Variants in CTNND2 observed in about 807,000 individuals in gnomAD.
CTNND2 encodes the protein catenin delta 2.
CTNND2 carries 22 observed loss-of-function variants against 144.4 expected under a neutral mutation model. That is an observed-to-expected ratio of 0.15 (90% CI 0.11 to 0.22). The LOEUF is 0.22. Among genes scored for constraint, CTNND2 ranks in the 10% least tolerant of loss-of-function variants. The pLI is 1.00. For synonymous variants in CTNND2, 751 were observed against 695.6 expected (o/e 1.08, Z -1.25); for missense variants, 1,353 against 1,618.8 (o/e 0.84, Z 2.82).
intron 10 of CTNND2, among the ~76,000 whole-genome samples, chr5:11,201,603 T>C (rs1354598024): frequency 6.6e-6 from 1 of 152,194 alleles, no homozygotes; most frequent in East Asian, 1.9e-4. Context: ...AGAGCACTCT[T>C]GGACTCTAAA....
chr5:11,263,862 A>T (rs1745168466), intron 9 of CTNND2, among the ~76,000 whole-genome samples: 1 of 152,198 alleles, frequency 6.6e-6, no homozygotes, highest in African/African-American at 2.4e-5. Context: ...AACTGCCAAT[A>T]ACTAGACACA....
intron 3 of CTNND2, among the ~76,000 whole-genome samples, chr5:11,496,202 G>T (rs1769921335): frequency 6.6e-6 from 1 of 152,158 alleles, no homozygotes; most frequent in Non-Finnish European, 1.5e-5. Flanking sequence ...TATTGCTGTT[G>T]TAAGGCATGA....
chr5:11,073,077 G>C (rs1277648238), intron 16 of CTNND2, among the ~76,000 whole-genome samples: 1 of 152,084 alleles, frequency 6.6e-6, no homozygotes, highest in Non-Finnish European at 1.5e-5. Context: ...CAGCCAGGAT[G>C]GTTTAAAAAG....
chr5:11,584,430 G>GT (rs1026976127), intron 2 of CTNND2, among the ~76,000 whole-genome samples: 1 of 145,842 alleles, frequency 6.9e-6, no homozygotes, highest in African/African-American at 2.5e-5. Flanking sequence ...TTTTTTGGGG[G>GT]GGGGGAGGAG....
chr5:11,405,598 A>C (rs1296654418), intron 5 of CTNND2, among the ~76,000 whole-genome samples: 1 of 151,930 alleles, frequency 6.6e-6, no homozygotes, highest in Non-Finnish European at 1.5e-5. Flanking sequence ...AAGAGAGAGA[A>C]ATTAAACACC....
At chr5:11,732,027 T>C in intron 2 of CTNND2, 109 bp downstream of exon 2, 3 of 986,082 alleles carry the variant, frequency 3.0e-6, no homozygotes, top group Non-Finnish European at 4.5e-6. Context: ...AACACTCTGC[T>C]ACATGAGTAT....
chr5:11,779,784 T>C (rs1032121243), intron 1 of CTNND2, among the ~76,000 whole-genome samples: 17 of 152,328 alleles, frequency 1.1e-4, no homozygotes, highest in Admixed American at 2.0e-4. Context: ...ATAGTTCAGT[T>C]TAATGTATTA....
At position 11,119,484 on chromosome 5, in the gene CTNND2, T is replaced by C. The variant is rs185391021; in HGVS notation, c.2160-1917A>G. ...ATTCCATCCTGTGATGGCCAACCTTTGTTTCTGACACAATCCGTGGTGGTG... is the reference window on the plus strand; with the variant it reads ...ATTCCATCCTGTGATGGCCAACCTTCGTTTCTGACACAATCCGTGGTGGTG... On this transcript the variant is annotated intron_variant, in intron 12 of 21. Transcript: ENST00000304623. Among the ~76,000 whole-genome samples the C allele has an allele frequency of 6.9e-4, 105 of 152,360 alleles. No homozygotes were observed. The Middle Eastern group carries it at 0.014, about 20-fold the overall frequency.
chr5:11,221,238 A>G (rs554504215), intron 10 of CTNND2, among the ~76,000 whole-genome samples: 2 of 152,236 alleles, frequency 1.3e-5, no homozygotes, highest in Admixed American at 1.3e-4. Context: ...ATACGAAATG[A>G]CTGAAACATG....
At chr5:11,736,142 A>G (rs1667622630) in intron 1 of CTNND2, among the ~76,000 whole-genome samples, 1 of 152,164 alleles carries the variant, frequency 6.6e-6, no homozygotes, top group South Asian at 2.1e-4. Context: ...CCTATTTCCT[A>G]TAACCTGTAC....
chr5:11,227,619 A>T (rs1740501697), intron 10 of CTNND2, among the ~76,000 whole-genome samples: 2 of 152,238 alleles, frequency 1.3e-5, no homozygotes, highest in Non-Finnish European at 2.9e-5. Flanking sequence ...AAGCACTTTA[A>T]GTCTAGTAGA....
chr5:11,595,789 T>C (rs545083896), intron 2 of CTNND2, among the ~76,000 whole-genome samples: 15 of 152,314 alleles, frequency 9.8e-5, no homozygotes, highest in African/African-American at 3.1e-4. Context: ...CATCCAGTTA[T>C]CAAATACACA....
intron 8 of CTNND2, among the ~76,000 whole-genome samples, chr5:11,356,754 C>T (rs147820340): frequency 2.0e-5 from 3 of 150,672 alleles, no homozygotes; most frequent in East Asian, 1.9e-4. Flanking sequence ...CTATAGAATG[C>T]GAGAAGATAT....
chr5:11,033,696 G>A (rs2149555161), intron 16 of CTNND2, among the ~76,000 whole-genome samples: 1 of 152,222 alleles, frequency 6.6e-6, no homozygotes, highest in Admixed American at 6.5e-5. Flanking sequence ...TGGGTGCAGT[G>A]GCGGGAGCCT....
intron 1 of CTNND2, among the ~76,000 whole-genome samples, chr5:11,824,152 A>C (rs1431261027): frequency 6.6e-6 from 1 of 152,068 alleles, no homozygotes; most frequent in Non-Finnish European, 1.5e-5. Context: ...TAAAAAATTA[A>C]ATGTTTAAAA....
chr5:11,392,146 G>T (rs1267116457), intron 6 of CTNND2, among the ~76,000 whole-genome samples: 1 of 152,176 alleles, frequency 6.6e-6, no homozygotes, highest in East Asian at 1.9e-4. Flanking sequence ...GGCGGCAATG[G>T]ATTCATTTTC....
At chr5:11,580,452 T>C (rs1025342292) in intron 2 of CTNND2, among the ~76,000 whole-genome samples, 14 of 152,218 alleles carry the variant, frequency 9.2e-5, no homozygotes, top group African/African-American at 2.7e-4. Flanking sequence ...ACATCTTACC[T>C]GCAGAAACCT....
chr5:11,429,708 C>G (rs1763103484), intron 3 of CTNND2, among the ~76,000 whole-genome samples: 1 of 152,180 alleles, frequency 6.6e-6, no homozygotes, highest in Admixed American at 6.5e-5. Context: ...AAATGCACCA[C>G]AGAAGATTAG....
At chr5:11,897,631 G>A (rs1016024552) in intron 1 of CTNND2, among the ~76,000 whole-genome samples, 1 of 152,122 alleles carries the variant, frequency 6.6e-6, no homozygotes, top group Non-Finnish European at 1.5e-5. Flanking sequence ...GGGGAAGAAC[G>A]CCAAGGGTAA....
Sources: allele counts gnomAD v4.1 joint callset (sites outside exome capture counted in the v4.1 genomes callset), GRCh38; gene constraint gnomAD v4.1.1; transcripts MANE v1.5; gene names NCBI Gene and HGNC (gene_info 2026-07-23, HGNC 2026-07-21).